Variants in ALDH1A3 observed in about 807,000 individuals in gnomAD.
ALDH1A3 encodes the protein aldehyde dehydrogenase 1 family member A3.
A neutral mutation model predicts 57.5 loss-of-function variants in ALDH1A3; 28 were observed. The observed-to-expected ratio is 0.49, with a 90% CI of 0.36 to 0.67. ALDH1A3 has a LOEUF of 0.67. ALDH1A3 is among the 30% of genes least tolerant of loss of function. The probability of loss-of-function intolerance (pLI) is 0.00; values close to 1 mark genes in which losing one functional copy is unlikely to be tolerated. For synonymous variants in ALDH1A3, 281 were observed against 264.8 expected (o/e 1.06, Z -0.59); for missense variants, 507 against 669.4 (o/e 0.76, Z 2.68).
chr15:100,896,997 C>T (rs1242121696), intron 7 of ALDH1A3, among the ~76,000 whole-genome samples: 1 of 152,186 alleles, frequency 6.6e-6, no homozygotes, highest in Non-Finnish European at 1.5e-5. Flanking sequence ...TGAAGGCTTT[C>T]TCCCTGTAAT....
chr15:100,886,069 T>A (rs1298701290), intron 2 of ALDH1A3, among the ~76,000 whole-genome samples: 1 of 152,146 alleles, frequency 6.6e-6, no homozygotes. Flanking sequence ...GCTGCTGGAG[T>A]GCTGGACTGA....
intron 9 of ALDH1A3, among the ~76,000 whole-genome samples, chr15:100,901,620 C>T (rs1034078979): frequency 1.3e-5 from 2 of 152,322 alleles, no homozygotes; most frequent in African/African-American, 4.8e-5. Flanking sequence ...CCTTCCATGC[C>T]TCAGTTTCCT....
chr15:100,886,952 C>T (rs921308990), intron 2 of ALDH1A3, among the ~76,000 whole-genome samples: 7 of 152,222 alleles, frequency 4.6e-5, no homozygotes, highest in Non-Finnish European at 1.0e-4. Flanking sequence ...CAGACACTTC[C>T]CACCTGATCT....
intron 7 of ALDH1A3, 92 bp downstream of exon 7, chr15:100,896,138 GT>G: frequency 9.5e-7 from 1 of 1,050,984 alleles, no homozygotes; most frequent in Non-Finnish European, 1.4e-6. Context: ...AATATGATTT[GT>G]TTTTCTTCTA....
intron 9 of ALDH1A3, among the ~76,000 whole-genome samples, chr15:100,903,709 A>C (rs1027841157): frequency 7.2e-5 from 11 of 152,266 alleles, no homozygotes; most frequent in Admixed American, 6.5e-4. Flanking sequence ...AGGAGAGTTA[A>C]AAATGCTATC....
Position 100,893,156 on chromosome 15 carries a change from G to A in ALDH1A3, c.537+150G>A. Reference sequence around the variant, plus strand: ...GTGGCATGGAACTCCATGCTTGGGGGCTCTTGAGATGGATTAGACCCCATT... The same window carrying A: ...GTGGCATGGAACTCCATGCTTGGGGACTCTTGAGATGGATTAGACCCCATT... On this transcript the variant is annotated intron_variant, in intron 5 of 12. Coordinates refer to ENST00000329841, the MANE Select transcript of ALDH1A3 (RefSeq NM_000693.4). The surrounding 1 kb of genome is among the most constrained non-coding windows in gnomAD (Gnocchi z 4.8). The A allele has an allele frequency of 1.5e-6, 1 of 665,326 alleles. No homozygotes were observed. The highest frequency in any genetic ancestry group is 2.5e-6 in the Non-Finnish European group (1 of 404,090). 41.2% of individuals were successfully genotyped at this position (665,326 alleles called of 1,614,324 possible). A position where few individuals can be genotyped will look rare whatever the true frequency, so the allele number is the denominator to read the frequency against.
intron 1 of ALDH1A3, among the ~76,000 whole-genome samples, chr15:100,882,636 G>A (rs182945058): frequency 1.3e-5 from 2 of 152,316 alleles, no homozygotes; most frequent in Admixed American, 1.3e-4. Flanking sequence ...GCTCCGTCCT[G>A]CTTCCATGTC....
intron 3 of ALDH1A3, 173 bp from the exon 4 acceptor site, chr15:100,892,337 C>CCAA: frequency 1.2e-6 from 1 of 813,460 alleles, no homozygotes; most frequent in Non-Finnish European, 1.9e-6. Context: ...CACTCAGAGA[C>CCAA]AGGCCTCGCT....
chr15:100,906,181 C>T lies in ALDH1A3; in HGVS notation c.1233+494C>T, dbSNP rs565332352. Among the ~76,000 whole-genome samples the T allele has an allele frequency of 2.6e-5, 4 of 152,198 alleles. No individual in the cohort carries two copies. The highest frequency in any genetic ancestry group is 1.9e-4 in the East Asian group (1 of 5,204). ...GAATTTTTATTGACATTTTCCACCA[C>T]GGACGTCTTGAAAATGAGGGAAATT... On this transcript the variant is annotated intron_variant, in intron 10 of 12. Transcript: ENST00000329841. This position sits in a 1 kb window ranked among gnomAD's most constrained non-coding sequence, Gnocchi z 4.8.
At position 100,893,606 on chromosome 15, in the gene ALDH1A3, A is replaced by T. The variant is rs1261634467; in HGVS notation, c.538-348A>T. 4.8e-6 allele frequency: 1 copy of T among 210,280 alleles called. No individual in the cohort carries two copies. The highest frequency in any genetic ancestry group is 9.5e-6 in the Non-Finnish European group (1 of 104,986). 13.0% of individuals were successfully genotyped at this position (210,280 alleles called of 1,614,324 possible). The stretch of plus-strand genomic sequence containing the variant: ...GGAAGCCTCTGGCCATTGCAACAAC[A>T]GCCAGGCAGGAAGCTGAAGAGCCAG... On this transcript the variant is annotated intron_variant, in intron 5 of 12. Coordinates refer to ENST00000329841, the MANE Select transcript of ALDH1A3 (RefSeq NM_000693.4). This position sits in a 1 kb window ranked among gnomAD's most constrained non-coding sequence, Gnocchi z 4.8.
intron 1 of ALDH1A3, among the ~76,000 whole-genome samples, chr15:100,884,904 A>G (rs1193838402): frequency 1.3e-5 from 2 of 152,262 alleles, no homozygotes; most frequent in East Asian, 3.9e-4. Flanking sequence ...CTCTTCCCCC[A>G]AAGTCTATTG....
intron 3 of ALDH1A3, among the ~76,000 whole-genome samples, chr15:100,891,523 A>C (rs2041649586): frequency 6.6e-6 from 1 of 152,266 alleles, no homozygotes; most frequent in Non-Finnish European, 1.5e-5. Flanking sequence ...GCCTTGGCCA[A>C]GTCACTGGGC....
In ALDH1A3 at chr15:100,906,186, G is replaced by A. The variant is rs1025812081; in HGVS notation, c.1233+499G>A. On this transcript the variant is annotated intron_variant, in intron 10 of 12. Coordinates refer to ENST00000329841, the MANE Select transcript of ALDH1A3 (RefSeq NM_000693.4). The surrounding 1 kb of genome is among the most constrained non-coding windows in gnomAD (Gnocchi z 4.8). Reference sequence around the variant, plus strand: ...TTTATTGACATTTTCCACCACGGACGTCTTGAAAATGAGGGAAATTAAGGA... The same window carrying A: ...TTTATTGACATTTTCCACCACGGACATCTTGAAAATGAGGGAAATTAAGGA... 3.3e-5 allele frequency among the ~76,000 whole-genome samples: 5 copies of A among 152,184 alleles called. No individual in the cohort carries two copies. Among genetic ancestry groups the A allele is most frequent in the Non-Finnish European group, 4.4e-5 (3 of 68,038 alleles).
rs1384411693 is a variant in ALDH1A3 at position 100,916,621 on chromosome 15, G to A, written c.*1848G>A. The A allele has an allele frequency of 6.6e-6, 1 of 152,246 alleles. No homozygotes were observed. The highest frequency in any genetic ancestry group is 1.5e-5 in the Non-Finnish European group (1 of 68,038). 9.4% of individuals were successfully genotyped at this position (152,246 alleles called of 1,614,324 possible). A position where few individuals can be genotyped will look rare whatever the true frequency, so the allele number is the denominator to read the frequency against. On this transcript the variant is annotated 3_prime_UTR_variant, in exon 13 of 13. Transcript: ENST00000329841. ...AATGATAAAATAAAATTGGATATTT[G>A]AGAAACATTGTGCTTTTTCATTTAA...
At chr15:100,911,870 A>C (rs997728269) in intron 12 of ALDH1A3, among the ~76,000 whole-genome samples, 2 of 152,272 alleles carry the variant, frequency 1.3e-5, no homozygotes, top group African/African-American at 4.8e-5. Context: ...ATCTGATTTC[A>C]TCACTTTGTT....
At position 100,889,446 on chromosome 15, in the gene ALDH1A3, C is replaced by A. The variant is rs1226631942; in HGVS notation, c.345+1734C>A. ...ATGTTCCCCGGGTGAGAGTAGCTCC[C>A]TCCCAGGGTAAGCGCTTCTCTCTGA... On this transcript the variant is annotated intron_variant, in intron 3 of 12. Transcript: ENST00000329841. This position sits in a 1 kb window ranked among gnomAD's most constrained non-coding sequence, Gnocchi z 5.1. Among the ~76,000 whole-genome samples, 4 of 152,180 alleles carry A rather than the reference C, an allele frequency of 2.6e-5. No homozygotes were observed. Among genetic ancestry groups the A allele is most frequent in the Non-Finnish European group, 5.9e-5 (4 of 68,040 alleles).
chr15:100,888,498 A>G (rs1181649457), intron 3 of ALDH1A3: 1 of 152,234 alleles, frequency 6.6e-6, no homozygotes, highest in Non-Finnish European at 1.5e-5. Flanking sequence ...TATTTTTCTA[A>G]TACTTACCAA....
At chr15:100,900,498 A>G in intron 8 of ALDH1A3, 77 bp from the exon 9 acceptor site, 3 of 1,328,050 alleles carry the variant, frequency 2.3e-6, no homozygotes, top group Non-Finnish European at 3.1e-6. Context: ...TTAGAATTGC[A>G]GCTGTCACCA....
chr15:100,907,844 C>CTTT (rs71151987), intron 11 of ALDH1A3, among the ~76,000 whole-genome samples: 19,062 of 81,798 alleles, frequency 0.23, 3,238 homozygotes, highest in South Asian at 0.41. Flanking sequence ...TTCTTTCTTT[C>CTTT]TTTTTTTTTT....
Sources: allele counts gnomAD v4.1 joint callset (sites outside exome capture counted in the v4.1 genomes callset), GRCh38; gene constraint gnomAD v4.1.1; non-coding constraint Gnocchi (gnomAD v3.1); transcripts MANE v1.5; gene names NCBI Gene and HGNC (gene_info 2026-07-23, HGNC 2026-07-21).